Variants in VPS13B observed in about 807,000 individuals in gnomAD.
VPS13B encodes vacuolar protein sorting 13 homolog B.
VPS13B carries 285 observed loss-of-function variants against 426.4 expected under a neutral mutation model. The observed-to-expected ratio is 0.67, with a 90% CI of 0.61 to 0.74. The LOEUF is 0.74. Ranked by LOEUF, VPS13B falls within the 30% of genes least tolerant of loss-of-function variation. VPS13B has a pLI of 0.00. For missense variants in VPS13B, 4,537 were observed against 4,782.6 expected (o/e 0.95, Z 1.51); for synonymous variants, 1,676 against 1,676.4 (o/e 1.00, Z 0.01).
chr8:99,052,936 C>G (rs201600513), intron 3 of VPS13B, among the ~76,000 whole-genome samples: 42 of 151,852 alleles, frequency 2.8e-4, no homozygotes, highest in African/African-American at 8.7e-4. Flanking sequence ...TTCTTTATTA[C>G]TCTTGCTAGC....
chr8:99,875,376 G>C (rs145562581), intron 61 of VPS13B, 42 bp from the exon 62 acceptor site: 18 of 1,613,344 alleles, frequency 1.1e-5, no homozygotes, highest in African/African-American at 2.7e-5. Context: ...TGGAACTCTC[G>C]TAAGGGTCTG....
rs377562386 is a variant in VPS13B, at chr8:99,042,654, G to T, written c.291+4088G>T. ...GATACCAGTAAGCCACTTTTTGTTT[G>T]TTTTGTTTCTGTTTTTGATACTGCG... On this transcript the variant is annotated intron_variant, in intron 3 of 61. Coordinates refer to ENST00000357162, the MANE Select transcript of VPS13B (RefSeq NM_152564.5). Among the ~76,000 whole-genome samples, 22 of 152,130 alleles carry T rather than the reference G, an allele frequency of 1.4e-4. No individual in the cohort carries two copies. The East Asian group carries it at 3.3e-3, about 23-fold the overall frequency.
intron 3 of VPS13B, among the ~76,000 whole-genome samples, chr8:99,090,112 C>T (rs778800236): frequency 6.6e-6 from 1 of 151,834 alleles, no homozygotes; most frequent in African/African-American, 2.4e-5. Context: ...ATGGCTTGAG[C>T]GGAGGGGTCC....
rs921920004 is a variant in VPS13B at position 99,569,783 on chromosome 8, C to CT, written c.4950-5866dup. Among the ~76,000 whole-genome samples, 69 of 151,686 alleles carry CT rather than the reference C, an allele frequency of 4.5e-4. 1 individual carries two copies. The Middle Eastern group carries it at 0.01, about 22-fold the overall frequency. ...TTAGTAACAATTTCAGAGAACTATA[C>CT]TTTTTTTTTGTTTACAATCTATACC... On this transcript the variant is annotated intron_variant, in intron 31 of 61. Transcript: ENST00000357162.
intron 33 of VPS13B, among the ~76,000 whole-genome samples, chr8:99,626,479 G>A (rs1828617728): frequency 6.6e-6 from 1 of 152,186 alleles, no homozygotes; most frequent in Admixed American, 6.5e-5. Context: ...CTGCTAATGG[G>A]TATGGGGTTT....
chr8:99,041,702 A>C (rs1225761015), intron 3 of VPS13B, among the ~76,000 whole-genome samples: 3 of 152,016 alleles, frequency 2.0e-5, no homozygotes, highest in South Asian at 2.1e-4. Context: ...AAATACAAAA[A>C]ATTAGCTGGG....
In VPS13B at chr8:99,381,810, T is replaced by A. The variant is rs1184432786; in HGVS notation, c.2825-2398T>A. Among the ~76,000 whole-genome samples, 3 of 152,244 alleles carry A rather than the reference T, an allele frequency of 2.0e-5. No individual in the cohort carries two copies. In the East Asian group the frequency reaches 5.8e-4, roughly 29 times the overall value. ...CCTTATAGATGCTGGATATTAGATC[T>A]TGGTCAGATGCAGAGTTTGCAAAAA... On this transcript the variant is annotated intron_variant, in intron 19 of 61. Coordinates refer to ENST00000357162, the MANE Select transcript of VPS13B (RefSeq NM_152564.5).
At chr8:99,597,625 T>G (rs111892613) in intron 33 of VPS13B, among the ~76,000 whole-genome samples, 222 of 152,096 alleles carry the variant, frequency 1.5e-3, no homozygotes, top group African/African-American at 5.0e-3. Context: ...GACCAGCCAC[T>G]TGTGACCATG....
intron 6 of VPS13B, among the ~76,000 whole-genome samples, chr8:99,114,388 A>G (rs890903799): frequency 2.6e-4 from 40 of 152,288 alleles, no homozygotes; most frequent in African/African-American, 9.4e-4. Flanking sequence ...TCTTTGTATT[A>G]TCAGTTCAGG....
intron 7 of VPS13B, chr8:99,119,458 T>C (rs2132509933): frequency 6.6e-6 from 1 of 152,436 alleles, no homozygotes; most frequent in Non-Finnish European, 1.5e-5. Context: ...GGTCTCACTT[T>C]GTTGCAGTAG....
chr8:99,376,404 C>A (rs925561094), intron 19 of VPS13B, among the ~76,000 whole-genome samples: 2 of 152,046 alleles, frequency 1.3e-5, no homozygotes, highest in East Asian at 1.9e-4. Context: ...CAATGAATTA[C>A]CCTCTTTTAT....
At chr8:99,297,763 A>G (rs1414825235) in intron 19 of VPS13B, among the ~76,000 whole-genome samples, 1 of 152,168 alleles carries the variant, frequency 6.6e-6, no homozygotes, top group African/African-American at 2.4e-5. Flanking sequence ...ATGATTTTGT[A>G]CCCATACATT....
rs533265250 is a variant in VPS13B at position 99,695,865 on chromosome 8, T to C, written c.6047-3660T>C. Reference sequence around the variant, plus strand: ...GGAAGGTGAGAAGGGGCCCTGCTCATGAAGATGTAGAATATTAAGTATGAG... The same window carrying C: ...GGAAGGTGAGAAGGGGCCCTGCTCACGAAGATGTAGAATATTAAGTATGAG... On this transcript the variant is annotated intron_variant, in intron 35 of 61. Transcript: ENST00000357162. 7.9e-5 allele frequency: 12 copies of C among 152,200 alleles called. No individual in the cohort carries two copies. The East Asian group carries it at 2.3e-3, about 29-fold the overall frequency. The allele number at this position is 152,200 out of a possible 1,614,324, so 9.4% of individuals were successfully genotyped here.
chr8:99,184,536 A>G (rs1813112891), intron 16 of VPS13B, among the ~76,000 whole-genome samples: 1 of 152,190 alleles, frequency 6.6e-6, no homozygotes, highest in African/African-American at 2.4e-5. Flanking sequence ...TTTTAGTGGT[A>G]GGCAGCTTTT....
At chr8:99,700,786 G>C (rs1431006183) in intron 36 of VPS13B, among the ~76,000 whole-genome samples, 1 of 152,126 alleles carries the variant, frequency 6.6e-6, no homozygotes, top group Non-Finnish European at 1.5e-5. Context: ...GACACAGGTG[G>C]GAAATAGCAG....
At chr8:99,711,198 A>G (rs1449953750) in intron 36 of VPS13B, among the ~76,000 whole-genome samples, 2 of 152,176 alleles carry the variant, frequency 1.3e-5, no homozygotes, top group East Asian at 1.9e-4. Context: ...TGGAGTCACA[A>G]CAGGTTGGTG....
At chr8:99,172,410 G>T (rs905045289) in intron 16 of VPS13B, among the ~76,000 whole-genome samples, 1 of 152,096 alleles carries the variant, frequency 6.6e-6, no homozygotes, top group African/African-American at 2.4e-5. Flanking sequence ...TAGGTACCTA[G>T]TTAAAGTTCA....
intron 30 of VPS13B, among the ~76,000 whole-genome samples, chr8:99,551,349 G>A (rs1365207085): frequency 6.6e-6 from 1 of 151,800 alleles, no homozygotes; most frequent in Non-Finnish European, 1.5e-5. Flanking sequence ...ATATATTTTT[G>A]CATATGTTGA....
chr8:99,567,430 A>G (rs1588502074), intron 31 of VPS13B, among the ~76,000 whole-genome samples: 1 of 150,498 alleles, frequency 6.6e-6, no homozygotes, highest in African/African-American at 2.4e-5. Context: ...TTACAAATAT[A>G]TTAACCTTTG....
Sources: allele counts gnomAD v4.1 joint callset (sites outside exome capture counted in the v4.1 genomes callset), GRCh38; gene constraint gnomAD v4.1.1; transcripts MANE v1.5; gene names NCBI Gene and HGNC (gene_info 2026-07-23, HGNC 2026-07-21).